The following WARS2 variants were observed in gnomAD, a reference collection of about 807,000 sequenced individuals.
The protein encoded by WARS2 is tryptophan--tRNA ligase, mitochondrial.
A neutral mutation model predicts 36.5 loss-of-function variants in WARS2; 28 were observed. The ratio of observed to expected loss-of-function variants is 0.77; its 90% CI spans 0.57 to 1.05. WARS2 has a LOEUF of 1.05. Ranked by LOEUF, WARS2 falls within the 50% of genes least tolerant of loss-of-function variation. WARS2 has a pLI of 0.00. For missense variants in WARS2, 435 were observed against 456.8 expected, an observed-to-expected ratio of 0.95 and a Z score of 0.44; for synonymous variants, 174 against 178.4, an observed-to-expected ratio of 0.98 and a Z score of 0.20.
Position 119,085,375 on chromosome 1 carries a change from C to A in WARS2, c.91-8768G>T, listed in dbSNP as rs369424771. 7.7e-3 allele frequency: 10,726 copies of A among 1,387,780 alleles called. 709 individuals carry two copies. In the South Asian group the frequency reaches 0.12, roughly 15 times the overall value. 86.0% of individuals were successfully genotyped at this position (1,387,780 alleles called of 1,614,324 possible). A position where few individuals can be genotyped will look rare whatever the true frequency, so the allele number is the denominator to read the frequency against. On this transcript the variant is annotated intron_variant, in intron 1 of 5. Transcript: ENST00000235521. ...CTGTGCTTCTTAGGGCCAGGGTTGT[C>A]CTCTTCCTTTACTGTCTTGCTTCTG...
At chr1:119,056,486 T>C (rs1649822015) in intron 2 of WARS2, among the ~76,000 whole-genome samples, 1 of 148,476 alleles carries the variant, frequency 6.7e-6, no homozygotes, top group Admixed American at 6.7e-5. Flanking sequence ...ATATATTTAG[T>C]CCATATACAT....
intron 1 of WARS2, among the ~76,000 whole-genome samples, chr1:119,112,983 C>T (rs1477918825): frequency 6.6e-6 from 1 of 152,052 alleles, no homozygotes; most frequent in South Asian, 2.1e-4. Context: ...TAGGGTGACA[C>T]ATCATGAGAA....
rs574690945 is a variant in WARS2 at position 119,051,527 on chromosome 1, C to T, written c.349-5865G>A. On this transcript the variant is annotated intron_variant, in intron 2 of 5. Transcript: ENST00000235521. ...GTGTGCATGTATCTTTACGGTAGAA[C>T]GATTTACATTCCTTTGGGTATATAC... Among the ~76,000 whole-genome samples, 28 of 152,076 alleles carry T rather than the reference C, an allele frequency of 1.8e-4. No homozygotes were observed. In the South Asian group the frequency reaches 4.4e-3, roughly 24 times the overall value.
chr1:119,105,512 T>C (rs1204323024), intron 1 of WARS2, among the ~76,000 whole-genome samples: 1 of 152,104 alleles, frequency 6.6e-6, no homozygotes, highest in Non-Finnish European at 1.5e-5. Flanking sequence ...CGCCAACTCA[T>C]ACAGGTTGGT....
intron 1 of WARS2, among the ~76,000 whole-genome samples, chr1:119,120,955 G>T (rs1477560716): frequency 6.6e-6 from 1 of 152,028 alleles, no homozygotes; most frequent in Non-Finnish European, 1.5e-5. Flanking sequence ...ATGGGGAAAG[G>T]TTGAAAGCAT....
At chr1:119,128,061 CT>C (rs1342617522) in intron 1 of WARS2, among the ~76,000 whole-genome samples, 1 of 151,896 alleles carries the variant, frequency 6.6e-6, no homozygotes, top group Admixed American at 6.6e-5. Context: ...ACTGTAAATT[CT>C]TTTTTTTAAA....
intron 1 of WARS2, among the ~76,000 whole-genome samples, chr1:119,091,986 C>T (rs1335232833): frequency 6.6e-6 from 1 of 152,166 alleles, no homozygotes; most frequent in Non-Finnish European, 1.5e-5. Flanking sequence ...TTTATTTAAT[C>T]ATTTCAACAA....
At chr1:119,085,662 T>C (rs1652594178) in intron 1 of WARS2, 3 of 1,433,748 alleles carry the variant, frequency 2.1e-6, no homozygotes, top group Non-Finnish European at 3.0e-6. Flanking sequence ...CTTGATCCCA[T>C]TAAAATTGTC....
chr1:119,079,861 T>C lies in WARS2; in HGVS notation c.91-3254A>G, dbSNP rs79512994. The stretch of plus-strand genomic sequence containing the variant: ...TCTTTCAGGTAATTGAGAACAAATA[T>C]AATCTTACACTCAAAATCACAAACA... On this transcript the variant is annotated intron_variant, in intron 1 of 5. Transcript: ENST00000235521. Among the ~76,000 whole-genome samples the C allele has an allele frequency of 1.8e-3, 279 of 152,270 alleles. 1 individual carries two copies. The highest frequency in any genetic ancestry group is 6.0e-3 in the African/African-American group (250 of 41,558).
chr1:119,104,902 T>C (rs2101473531), intron 1 of WARS2, among the ~76,000 whole-genome samples: 1 of 152,182 alleles, frequency 6.6e-6, no homozygotes, highest in Middle Eastern at 3.4e-3. Context: ...CAAGGCCTTG[T>C]ATGCTATGAC....
intron 1 of WARS2, among the ~76,000 whole-genome samples, chr1:119,135,747 T>TAGATAGATAGATAGATAGATAGAG: frequency 8.6e-6 from 1 of 115,876 alleles, no homozygotes; most frequent in South Asian, 2.7e-4. Context: ...GATAGATAGA[T>TAGATAGATAGATAGATAGATAGAG]AGATAGAGAG....
At chr1:119,040,364 G>T (rs1244756798) in intron 4 of WARS2, among the ~76,000 whole-genome samples, 6 of 152,326 alleles carry the variant, frequency 3.9e-5, no homozygotes, top group South Asian at 2.1e-4. Context: ...AGTCATTCTT[G>T]TTAAAGTTTA....
chr1:119,106,251 C>T (rs1027875316), intron 1 of WARS2, among the ~76,000 whole-genome samples: 11 of 152,152 alleles, frequency 7.2e-5, no homozygotes, highest in Non-Finnish European at 1.6e-4. Flanking sequence ...ATCACCTTCC[C>T]CACTACTGGC....
chr1:119,113,081 T>C (rs1329166013), intron 1 of WARS2, among the ~76,000 whole-genome samples: 1 of 152,154 alleles, frequency 6.6e-6, no homozygotes, highest in Non-Finnish European at 1.5e-5. Flanking sequence ...GGTTTAGAGA[T>C]TAGAATGCTA....
intron 1 of WARS2, among the ~76,000 whole-genome samples, chr1:119,127,550 T>C (rs1655756353): frequency 6.6e-6 from 1 of 152,196 alleles, no homozygotes; most frequent in Non-Finnish European, 1.5e-5. Context: ...GTGGAAGAAC[T>C]TTGGTTTGAA....
intron 1 of WARS2, among the ~76,000 whole-genome samples, chr1:119,103,427 A>C (rs1401071734): frequency 6.6e-6 from 1 of 152,166 alleles, no homozygotes; most frequent in Non-Finnish European, 1.5e-5. Context: ...CAAGTTTACA[A>C]GAGCTAGACA....
intron 1 of WARS2, 145 bp downstream of exon 1, chr1:119,140,410 G>A (rs1656871532): frequency 6.4e-6 from 4 of 627,430 alleles, no homozygotes; most frequent in South Asian, 5.0e-5. Context: ...TGAGCAGGCC[G>A]ACAGTCATAG....
chr1:119,082,716 G>C (rs143472234), intron 1 of WARS2, among the ~76,000 whole-genome samples: 1 of 152,162 alleles, frequency 6.6e-6, no homozygotes, highest in Non-Finnish European at 1.5e-5. Flanking sequence ...AAGGCCAAGG[G>C]CATACAACTA....
intron 1 of WARS2, among the ~76,000 whole-genome samples, chr1:119,120,148 C>T (rs915454511): frequency 7.3e-5 from 11 of 151,722 alleles, no homozygotes; most frequent in African/African-American, 2.2e-4. Context: ...TAAACAAAAT[C>T]GATACACATT....
Sources: allele counts gnomAD v4.1 joint callset (sites outside exome capture counted in the v4.1 genomes callset), GRCh38; gene constraint gnomAD v4.1.1; transcripts MANE v1.5; gene names NCBI Gene and HGNC (gene_info 2026-07-23, HGNC 2026-07-21).